DIAPH2: variants seen among roughly 807,000 people sequenced by gnomAD.
The protein encoded by DIAPH2 is diaphanous related formin 2.
A neutral mutation model predicts 92.7 loss-of-function variants in DIAPH2; 35 were observed. The ratio of observed to expected loss-of-function variants is 0.38; its 90% confidence interval spans 0.29 to 0.50. DIAPH2 has a LOEUF of 0.50. Ranked by LOEUF, DIAPH2 falls within the 20% of genes least tolerant of loss-of-function variation. The probability of loss-of-function intolerance (pLI) is 0.94; values close to 1 mark genes in which losing one functional copy is unlikely to be tolerated. For missense variants in DIAPH2, 701 were observed against 819.5 expected (o/e 0.86, Z 1.77); for synonymous variants, 301 against 280.4 (o/e 1.07, Z -0.73).
intron 26 of DIAPH2, among the ~76,000 whole-genome samples, chrX:97,488,205 C>T (rs2070702288): frequency 9.0e-6 from 1 of 111,513 alleles, no homozygotes; most frequent in Non-Finnish European, 1.9e-5. Context: ...GTTGGTCAGG[C>T]TGGTCTTGAA....
chrX:96,781,104 G>A (rs2064414988), intron 4 of DIAPH2, among the ~76,000 whole-genome samples: 1 of 111,290 alleles, frequency 9.0e-6, no homozygotes, highest in Non-Finnish European at 1.9e-5. Flanking sequence ...CACCGTGCCG[G>A]GCCTCTGATC....
rs947369441 is a variant in DIAPH2 at position 97,600,150 on chromosome X, C to A, written c.*833C>A. On this transcript the variant is annotated 3_prime_UTR_variant, in exon 27 of 27. Coordinates refer to ENST00000324765, the MANE Select transcript of DIAPH2 (RefSeq NM_006729.5). ...TTTAATGTTTATGCTAGGGATGAAC[C>A]TGAAAATTCTATTACGTTTATTTAG... The A allele has an allele frequency of 9.0e-6, 1 of 110,562 alleles. No individual in the cohort carries two copies. Among genetic ancestry groups the A allele is most frequent in the Admixed American group, 9.6e-5 (1 of 10,382 alleles). 9.1% of individuals were successfully genotyped at this position (110,562 alleles called of 1,213,427 possible). A position where few individuals can be genotyped will look rare whatever the true frequency, so the allele number is the denominator to read the frequency against.
chrX:97,325,768 G>A (rs766035663), intron 23 of DIAPH2, among the ~76,000 whole-genome samples: 25 of 110,448 alleles, frequency 2.3e-4, no homozygotes, highest in African/African-American at 7.6e-4. Context: ...TAGTAGAGAC[G>A]GGGTTTCACT....
intron 4 of DIAPH2, among the ~76,000 whole-genome samples, chrX:96,872,061 C>T (rs1369295845): frequency 1.8e-5 from 2 of 111,475 alleles, no homozygotes; most frequent in African/African-American, 3.3e-5. Context: ...GGTGTATATA[C>T]TTAAGGGGTA....
rs746828504 is a variant in DIAPH2 at position 96,998,219 on chromosome X, A to G, written c.2050+33012A>G. 2.7e-5 allele frequency among the ~76,000 whole-genome samples: 3 copies of G among 111,402 alleles called. No homozygotes were observed. The South Asian group carries it at 1.1e-3, about 41-fold the overall frequency. On this transcript the variant is annotated intron_variant, in intron 17 of 26. Transcript: ENST00000324765. Reference sequence around the variant, plus strand: ...TGTACCTCAATAAAAATAGTAATTAATATTTACCTTTAACTTCTGTGGCAT... The same window carrying G: ...TGTACCTCAATAAAAATAGTAATTAGTATTTACCTTTAACTTCTGTGGCAT...
chrX:96,892,575 C>A (rs1336049570), intron 5 of DIAPH2, among the ~76,000 whole-genome samples: 3 of 111,564 alleles, frequency 2.7e-5, no homozygotes, highest in Non-Finnish European at 5.7e-5. Context: ...TAATTATATA[C>A]TATTAGCTTC....
intron 7 of DIAPH2, among the ~76,000 whole-genome samples, chrX:96,914,402 A>G (rs1406042163): frequency 9.0e-6 from 1 of 111,410 alleles, no homozygotes; most frequent in African/African-American, 3.2e-5. Context: ...GAGGGAAACA[A>G]TGACATAATG....
At chrX:96,900,403 A>G (rs1162446209) in intron 5 of DIAPH2, among the ~76,000 whole-genome samples, 2 of 111,357 alleles carry the variant, frequency 1.8e-5, no homozygotes, top group African/African-American at 6.5e-5. Flanking sequence ...GTATGCAATC[A>G]TATCATCAGC....
chrX:96,737,729 C>T (rs1398612034), intron 2 of DIAPH2, among the ~76,000 whole-genome samples: 1 of 111,604 alleles, frequency 9.0e-6, no homozygotes, highest in East Asian at 2.8e-4. Flanking sequence ...AAGTCAATAT[C>T]CGTAAAATAG....
intron 26 of DIAPH2, among the ~76,000 whole-genome samples, chrX:97,570,126 G>T (rs2071359420): frequency 4.4e-4 from 3 of 6,766 alleles, no homozygotes; most frequent in South Asian, 0.011. Flanking sequence ...ATATATATTA[G>T]AAGATAGATA....
intron 26 of DIAPH2, among the ~76,000 whole-genome samples, chrX:97,562,432 G>T (rs2071300310): frequency 9.1e-6 from 1 of 110,488 alleles, no homozygotes; most frequent in Non-Finnish European, 1.9e-5. Flanking sequence ...CTTGAACCTG[G>T]GAGGCGGAGG....
chrX:96,949,784 C>T (rs1231249262), intron 15 of DIAPH2, among the ~76,000 whole-genome samples: 1 of 104,799 alleles, frequency 9.5e-6, no homozygotes, highest in African/African-American at 3.5e-5. Flanking sequence ...GGTGTGAAAC[C>T]AGGAGGCAGA....
chrX:97,594,858 A>G (rs1033704271), intron 26 of DIAPH2, among the ~76,000 whole-genome samples: 1 of 112,074 alleles, frequency 8.9e-6, no homozygotes. Context: ...ATGAAGCACC[A>G]TAGGGAAAGA....
At chrX:96,713,789 T>A (rs1407021160) in intron 1 of DIAPH2, among the ~76,000 whole-genome samples, 1 of 111,935 alleles carries the variant, frequency 8.9e-6, no homozygotes, top group Admixed American at 9.5e-5. Flanking sequence ...GCATCTAAGG[T>A]TCCACCATGT....
intron 25 of DIAPH2, among the ~76,000 whole-genome samples, chrX:97,398,046 G>A (rs1009466251): frequency 2.7e-5 from 3 of 112,234 alleles, no homozygotes; most frequent in Admixed American, 9.4e-5. Context: ...AATGAAAAGT[G>A]TATGTCTCAG....
chrX:97,435,180 A>G (rs759856356), intron 26 of DIAPH2, among the ~76,000 whole-genome samples: 3 of 111,807 alleles, frequency 2.7e-5, no homozygotes, highest in Non-Finnish European at 3.8e-5. Flanking sequence ...TTTGAAGAGC[A>G]TCCTTTCAAT....
chrX:96,886,937 C>T (rs1012274782), intron 5 of DIAPH2, among the ~76,000 whole-genome samples: 1 of 108,645 alleles, frequency 9.2e-6, no homozygotes, highest in African/African-American at 3.4e-5. Flanking sequence ...GGAGGCCAAA[C>T]TGCTTTTGTC....
intron 4 of DIAPH2, among the ~76,000 whole-genome samples, chrX:96,811,932 TTGA>T (rs942365505): frequency 8.9e-6 from 1 of 112,014 alleles, no homozygotes; most frequent in African/African-American, 3.2e-5. Flanking sequence ...CAGTATTTTA[TTGA>T]GGATTTTTGC....
intron 23 of DIAPH2, among the ~76,000 whole-genome samples, chrX:97,312,345 CTTTTTTTTTTTTT>C (rs56309139): frequency 5.5e-5 from 3 of 54,953 alleles, no homozygotes; most frequent in South Asian, 1.4e-3. Context: ...CAATAGAATC[CTTTTTTTTTTTTT>C]TTTTTTTTTT....
Sources: allele counts gnomAD v4.1 joint callset (sites outside exome capture counted in the v4.1 genomes callset), GRCh38; gene constraint gnomAD v4.1.1; transcripts MANE v1.5; gene names NCBI Gene and HGNC (gene_info 2026-07-23, HGNC 2026-07-21).